ARHGEF26: variants seen among roughly 807,000 people sequenced by gnomAD.
The protein encoded by ARHGEF26 is Rho guanine nucleotide exchange factor (GEF) 26.
In ARHGEF26, 59 loss-of-function variants were observed where a neutral mutation model predicts 89.4. The ratio of observed to expected loss-of-function variants is 0.66; its 90% CI spans 0.54 to 0.82. The LOEUF (loss-of-function observed/expected upper bound fraction) is 0.82, where lower values mean the gene tolerates loss of function less well. Ranked by LOEUF, ARHGEF26 falls within the 40% of genes least tolerant of loss-of-function variation. ARHGEF26 has a pLI of 0.00. For missense variants in ARHGEF26, 1,234 were observed against 1,085.6 expected (o/e 1.14, Z -1.92); for synonymous variants, 500 against 428.4 (o/e 1.17, Z -2.06).
intron 4 of ARHGEF26, among the ~76,000 whole-genome samples, chr3:154,147,733 C>T (rs775732720): frequency 6.6e-6 from 1 of 152,186 alleles, no homozygotes; most frequent in Non-Finnish European, 1.5e-5. Context: ...TGAGAATTTT[C>T]AGAGGTCTTT....
intron 6 of ARHGEF26, 146 bp from the exon 7 acceptor site, chr3:154,187,539 T>A: frequency 1.6e-6 from 1 of 606,200 alleles, no homozygotes; most frequent in Non-Finnish European, 2.6e-6. Flanking sequence ...AGATAAAATT[T>A]TTATAGATTT....
intron 12 of ARHGEF26, 92 bp from the exon 13 acceptor site, chr3:154,253,024 C>A: frequency 1.4e-6 from 2 of 1,383,342 alleles, no homozygotes; most frequent in Non-Finnish European, 2.0e-6. Flanking sequence ...CTCTTGTTTT[C>A]TGGGAGTGCC....
intron 6 of ARHGEF26, among the ~76,000 whole-genome samples, chr3:154,168,392 C>T (rs1453856345): frequency 6.6e-6 from 1 of 152,138 alleles, no homozygotes; most frequent in Non-Finnish European, 1.5e-5. Flanking sequence ...GCCTGGGCAA[C>T]ATGGCGAAAC....
At chr3:154,186,553 G>T (rs1713566766) in intron 6 of ARHGEF26, among the ~76,000 whole-genome samples, 1 of 151,970 alleles carries the variant, frequency 6.6e-6, no homozygotes, top group South Asian at 2.1e-4. Flanking sequence ...TTGAGGTCAG[G>T]AGTTAGAGAC....
At chr3:154,168,210 A>G (rs1262511847) in intron 6 of ARHGEF26, among the ~76,000 whole-genome samples, 1 of 152,184 alleles carries the variant, frequency 6.6e-6, no homozygotes, top group Non-Finnish European at 1.5e-5. Flanking sequence ...GCTAGAACTC[A>G]GGACTTCTGA....
chr3:154,143,717 G>C (rs1447402871), intron 4 of ARHGEF26, among the ~76,000 whole-genome samples: 3 of 152,120 alleles, frequency 2.0e-5, no homozygotes, highest in Non-Finnish European at 4.4e-5. Context: ...AGTCTGGTCT[G>C]TCCCCCAGTA....
At chr3:154,186,541 A>G (rs1031169894) in intron 6 of ARHGEF26, among the ~76,000 whole-genome samples, 3 of 152,056 alleles carry the variant, frequency 2.0e-5, no homozygotes, top group African/African-American at 4.8e-5. Context: ...TGGGTAGATC[A>G]GTTGAGGTCA....
chr3:154,176,813 T>C (rs1305321758), intron 6 of ARHGEF26, among the ~76,000 whole-genome samples: 8 of 152,142 alleles, frequency 5.3e-5, no homozygotes, highest in African/African-American at 1.4e-4. Context: ...AAAATACATA[T>C]ATATATCTTT....
chr3:154,138,008 T>A (rs1719122033), intron 4 of ARHGEF26, among the ~76,000 whole-genome samples: 1 of 152,336 alleles, frequency 6.6e-6, no homozygotes, highest in African/African-American at 2.4e-5. Context: ...CCCATATTTA[T>A]GTAAATATAC....
intron 9 of ARHGEF26, among the ~76,000 whole-genome samples, chr3:154,209,824 C>T (rs1480235620): frequency 1.3e-5 from 2 of 152,212 alleles, no homozygotes; most frequent in African/African-American, 4.8e-5. Flanking sequence ...AGGCCTGTGT[C>T]CTTCCCTTCA....
intron 3 of ARHGEF26, among the ~76,000 whole-genome samples, chr3:154,124,745 G>T (rs1378480832): frequency 6.6e-6 from 1 of 152,094 alleles, no homozygotes; most frequent in Admixed American, 6.5e-5. Context: ...GTAAGAGCAA[G>T]ATCTAGCTTT....
chr3:154,244,960 A>C (rs758236128), intron 12 of ARHGEF26, among the ~76,000 whole-genome samples: 2 of 152,286 alleles, frequency 1.3e-5, no homozygotes, highest in Admixed American at 1.3e-4. Flanking sequence ...ACCTCCAGGA[A>C]GTCAGTCGCT....
At chr3:154,193,746 G>A (rs1341944113) in intron 8 of ARHGEF26, among the ~76,000 whole-genome samples, 1 of 152,078 alleles carries the variant, frequency 6.6e-6, no homozygotes, top group African/African-American at 2.4e-5. Flanking sequence ...AATTGACCCT[G>A]TTTGACCTGA....
At chr3:154,166,163 G>A (rs1712013675) in intron 6 of ARHGEF26, among the ~76,000 whole-genome samples, 1 of 152,038 alleles carries the variant, frequency 6.6e-6, no homozygotes, top group Admixed American at 6.6e-5. Flanking sequence ...TGCCTCAGTA[G>A]GAGAATCTAC....
intron 11 of ARHGEF26, among the ~76,000 whole-genome samples, chr3:154,236,265 C>T (rs942810007): frequency 6.6e-6 from 1 of 152,196 alleles, no homozygotes; most frequent in Non-Finnish European, 1.5e-5. Flanking sequence ...ACAAAGGTTA[C>T]TAGGACCTTA....
At chr3:154,162,253 TTTTAA>T (rs1266601024) in intron 6 of ARHGEF26, among the ~76,000 whole-genome samples, 1 of 152,154 alleles carries the variant, frequency 6.6e-6, no homozygotes, top group Non-Finnish European at 1.5e-5. Context: ...ATGGAAAAGA[TTTTAA>T]TTTAAACTTT....
intron 10 of ARHGEF26, among the ~76,000 whole-genome samples, chr3:154,223,270 G>T (rs554774583): frequency 2.6e-5 from 4 of 152,200 alleles, no homozygotes; most frequent in Non-Finnish European, 5.9e-5. Context: ...AAAAATCTTT[G>T]TGCTGTAGAG....
chr3:154,147,007 G>A (rs1314887684), intron 4 of ARHGEF26, among the ~76,000 whole-genome samples: 1 of 152,204 alleles, frequency 6.6e-6, no homozygotes, highest in African/African-American at 2.4e-5. Context: ...GAATAAGAAA[G>A]TTCAAATGAG....
intron 6 of ARHGEF26, among the ~76,000 whole-genome samples, chr3:154,153,653 T>C (rs1720156075): frequency 6.6e-6 from 1 of 152,118 alleles, no homozygotes; most frequent in African/African-American, 2.4e-5. Flanking sequence ...TCCAAAAATA[T>C]GAAAGATCCT....
Sources: allele counts gnomAD v4.1 joint callset (sites outside exome capture counted in the v4.1 genomes callset), GRCh38; gene constraint gnomAD v4.1.1; transcripts MANE v1.5; gene names NCBI Gene and HGNC (gene_info 2026-07-23, HGNC 2026-07-21).